F5: variants seen among roughly 807,000 people sequenced by gnomAD.
The protein encoded by F5 is activated protein c cofactor.
A neutral mutation model predicts 216.4 loss-of-function variants in F5; 138 were observed. That is an observed-to-expected ratio of 0.64 (90% CI 0.56 to 0.73). The LOEUF is 0.73. Among genes scored for constraint, F5 ranks in the 30% least tolerant of loss-of-function variants. The probability of loss-of-function intolerance (pLI) is 0.00; values close to 1 mark genes in which losing one functional copy is unlikely to be tolerated. For synonymous variants in F5, 916 were observed against 930.7 expected (o/e 0.98, Z 0.29); for missense variants, 2,403 against 2,674.0 (o/e 0.90, Z 2.24).
chr1:169,523,676 G>A (rs2101806824), intron 20 of F5, 125 bp downstream of exon 20: 5 of 902,588 alleles, frequency 5.5e-6, no homozygotes, highest in Non-Finnish European at 9.1e-6. Flanking sequence ...TTAGAACAGT[G>A]CCTCACACTT....
chr1:169,547,549 A>G (rs967425658), intron 10 of F5, among the ~76,000 whole-genome samples: 6 of 152,260 alleles, frequency 3.9e-5, no homozygotes, highest in African/African-American at 1.4e-4. Context: ...GACACTTTTC[A>G]AAAGAAGACA....
At position 169,556,692 on chromosome 1, in the gene F5, T is replaced by C. The variant is rs755293240; in HGVS notation, c.906A>G (p.Pro302=). 1 of 1,614,134 alleles carries C rather than the reference T, an allele frequency of 6.2e-7. No individual in the cohort carries two copies. Among genetic ancestry groups the C allele is most frequent in the Admixed American group, 1.7e-5 (1 of 60,010 alleles). ...GAGAAGATATGATCCACTTTCCCTC[T>C]GGGCCCACAGTCATATTTGCGGTAG... ...TSTTANMTVG[P]EGKWIISSLT... Residue 302 remains proline (P), a synonymous_variant, in exon 6 of 25, where the codon CCA becomes CCG. Transcript: ENST00000367797.
chr1:169,583,960 T>G (rs933272094), intron 1 of F5, among the ~76,000 whole-genome samples: 1 of 152,200 alleles, frequency 6.6e-6, no homozygotes, highest in Non-Finnish European at 1.5e-5. Context: ...GCGTGGAAGT[T>G]GAATATGAAT....
intron 3 of F5, among the ~76,000 whole-genome samples, chr1:169,569,000 C>T (rs1462337549): frequency 1.3e-5 from 2 of 152,046 alleles, no homozygotes; most frequent in Admixed American, 1.3e-4. Flanking sequence ...ATGGGCGAAT[C>T]AATGCTGACG....
rs1661101880 is a variant in F5 at position 169,586,266 on chromosome 1, T to C, written c.121A>G (p.Ile41Val). The change falls in exon 1 of 25, where the codon ATC becomes GTC. Residue 41 changes from isoleucine to valine, a missense_variant. Coordinates refer to ENST00000367797, the MANE Select transcript of F5 (RefSeq NM_000130.5). The part of the protein sequence containing the change: ...LRQFYVAAQG[I>V]SWSYRPEPTN... ...GGCTCAGGTCGGTAGCTCCAACTGA[T>C]GCCCTGAGCAGCCACGTAGAACTGC... The C allele has an allele frequency of 6.2e-7, 1 of 1,614,088 alleles. No homozygotes were observed. The highest frequency in any genetic ancestry group is 1.7e-5 in the Admixed American group (1 of 60,008).
intron 11 of F5, 84 bp downstream of exon 11, chr1:169,546,358 A>C: frequency 6.5e-7 from 1 of 1,541,606 alleles, no homozygotes; most frequent in Non-Finnish European, 8.9e-7. Flanking sequence ...AGTAGATTTT[A>C]ATCCATGTCT....
chr1:169,582,577 A>C, intron 1 of F5, 55 bp from the exon 2 acceptor site: 5 of 952,234 alleles, frequency 5.3e-6, no homozygotes, highest in Non-Finnish European at 8.2e-6. Flanking sequence ...TCTATTTCTC[A>C]CATTACAAAA....
chr1:169,560,818 T>C (rs1257216724), intron 3 of F5, 52 bp from the exon 4 acceptor site: 2 of 1,540,720 alleles, frequency 1.3e-6, no homozygotes, highest in East Asian at 4.5e-5. Context: ...AGGATTGCGT[T>C]TTCACCACTC....
chr1:169,557,906 A>G (rs886843024), intron 5 of F5, among the ~76,000 whole-genome samples: 1 of 152,190 alleles, frequency 6.6e-6, no homozygotes, highest in Non-Finnish European at 1.5e-5. Context: ...ATTCTGCTTT[A>G]TAAGGCAGAG....
chr1:169,573,490 T>C (rs542060241), intron 2 of F5, among the ~76,000 whole-genome samples: 1 of 152,190 alleles, frequency 6.6e-6, no homozygotes, highest in Admixed American at 6.5e-5. Flanking sequence ...TCTGGACATT[T>C]TTGTAGGTAA....
chr1:169,552,388 A>G (rs555321902), intron 8 of F5, among the ~76,000 whole-genome samples, 169 bp downstream of exon 8: 1 of 152,334 alleles, frequency 6.6e-6, no homozygotes, highest in Non-Finnish European at 1.5e-5. Context: ...GATCCTTTGT[A>G]TTACTGAGTA....
At chr1:169,575,346 G>A (rs768986282) in intron 2 of F5, among the ~76,000 whole-genome samples, 2 of 152,188 alleles carry the variant, frequency 1.3e-5, no homozygotes, top group Non-Finnish European at 1.5e-5. Context: ...AGGTGAAGCC[G>A]AAGGCATCCT....
chr1:169,542,065 G>C lies in F5; in HGVS notation c.3025C>G (p.Leu1009Val). ...PKFPRVRHKS[L>V]QVRQDGGKSR... is the part of the protein sequence containing the mutation. Reference sequence around the variant, plus strand: ...TTTCCTCCATCCTGTCTTACTTGTAGAGATTTATGTCTAACTCTAGGAAAC... The same window carrying C: ...TTTCCTCCATCCTGTCTTACTTGTACAGATTTATGTCTAACTCTAGGAAAC... Residue 1009 changes from leucine to valine, a missense_variant, in exon 13 of 25, where the codon CTA (leucine) becomes GTA (valine). This residue lies in a region of F5 where 1,425 missense variants were observed against 1,554.8 expected (regional missense o/e 0.92). Transcript: ENST00000367797. The C allele has an allele frequency of 6.2e-7, 1 of 1,614,056 alleles. No individual in the cohort carries two copies. Among genetic ancestry groups the C allele is most frequent in the Non-Finnish European group, 8.5e-7 (1 of 1,180,002 alleles).
chr1:169,518,567 T>C lies in F5; in HGVS notation c.6194-4A>G, dbSNP rs1659215128. The C allele has an allele frequency of 1.2e-6, 2 of 1,613,466 alleles. No individual in the cohort carries two copies. The highest frequency in any genetic ancestry group is 8.5e-7 in the Non-Finnish European group (1 of 1,179,772). On this transcript the variant is annotated splice_polypyrimidine_tract_variant and splice_region_variant and intron_variant, in intron 22 of 24. Coordinates refer to ENST00000367797, the MANE Select transcript of F5 (RefSeq NM_000130.5). The stretch of plus-strand genomic sequence containing the variant: ...ATACCCAGGGGTGTGGAACATCCTA[T>C]CAAAAGAAAAGTAACGTGATTAATT...
rs74124508 is a variant in F5 at position 169,535,963 on chromosome 1, A to C, written c.4971+543T>G. ...ATGGCGGAAGTAAACTTTGTTATAAAAGCAAGTTATAATCGTGGGTCTGGA... is the reference window on the plus strand; with the variant it reads ...ATGGCGGAAGTAAACTTTGTTATAACAGCAAGTTATAATCGTGGGTCTGGA... On this transcript the variant is annotated intron_variant, in intron 14 of 24. Coordinates refer to ENST00000367797, the MANE Select transcript of F5 (RefSeq NM_000130.5). Among the ~76,000 whole-genome samples the C allele has an allele frequency of 2.7e-3, 407 of 152,294 alleles. 2 individuals carry two copies. Among genetic ancestry groups the C allele is most frequent in the African/African-American group, 9.6e-3 (400 of 41,572 alleles).
At chr1:169,530,608 A>G (rs1270528634) in intron 15 of F5, among the ~76,000 whole-genome samples, 178 bp downstream of exon 15, 1 of 152,182 alleles carries the variant, frequency 6.6e-6, no homozygotes, top group Non-Finnish European at 1.5e-5. Flanking sequence ...CTGTCATCTG[A>G]AGAGCTGCAT....
At position 169,529,838 on chromosome 1, in the gene F5, T is replaced by A. The variant is rs552893817; in HGVS notation, c.5209-20A>T. On this transcript the variant is annotated intron_variant, in intron 15 of 24. Transcript: ENST00000367797. ...TTTTTCCTGGAAAAACAGAGTAAAT[T>A]GTATTGCCTCTTTCTCAGGAATTTC... 1.1e-5 allele frequency: 18 copies of A among 1,592,008 alleles called. No homozygotes were observed. The East Asian group carries it at 3.6e-4, about 32-fold the overall frequency.
chr1:169,523,132 A>T, intron 21 of F5, 65 bp downstream of exon 21: 4 of 1,524,842 alleles, frequency 2.6e-6, no homozygotes, highest in Non-Finnish European at 3.6e-6. Context: ...ATCATTAGGT[A>T]TAGTCATAAT....
chr1:169,515,542 G>A lies in F5; in HGVS notation c.6430C>T (p.Leu2144=). Residue 2144 remains leucine (L), a synonymous_variant, in exon 24 of 25, where the codon CTG becomes TTG. Transcript: ENST00000367797. ...CTCTTTACATACATTTCAGAGGACA[G>A]AGACTTGCAGCCCTGTGTTATAATT... is the stretch of plus-strand genomic sequence containing the variant. ...TAIITQGCKS[L]SSEMYVKSYT... The A allele has an allele frequency of 6.2e-7, 1 of 1,613,624 alleles. No homozygotes were observed. The highest frequency in any genetic ancestry group is 8.5e-7 in the Non-Finnish European group (1 of 1,179,702).
Sources: gnomAD v4.1 joint callset for allele counts (sites outside exome capture counted in the v4.1 genomes callset) on GRCh38, gnomAD v4.1.1 for gene constraint, gnomAD v4.1.1 regional missense constraint, MANE v1.5 for transcripts, NCBI Gene and HGNC (gene_info 2026-07-23, HGNC 2026-07-21) for gene names.